The following SLC7A7 variants were observed in gnomAD, a reference collection of about 807,000 sequenced individuals.
The protein encoded by SLC7A7 is solute carrier family 7 member 7.
SLC7A7 carries 39 observed loss-of-function variants against 47.9 expected under a neutral mutation model. That is an observed-to-expected ratio of 0.81 (90% confidence interval 0.63 to 1.06). The LOEUF is 1.06. Among genes scored for constraint, SLC7A7 ranks in the 50% least tolerant of loss-of-function variants. The pLI, the probability that SLC7A7 is intolerant of heterozygous loss-of-function variation, is 0.00. For missense variants in SLC7A7, 588 were observed against 632.0 expected, an observed-to-expected ratio of 0.93 and a Z score of 0.75; for synonymous variants, 234 against 242.8, an observed-to-expected ratio of 0.96 and a Z score of 0.34.
intron 2 of SLC7A7, among the ~76,000 whole-genome samples, chr14:22,807,084 A>G (rs1176436453): frequency 1.3e-5 from 2 of 151,914 alleles, no homozygotes; most frequent in Non-Finnish European, 2.9e-5. Context: ...TATTTTTAGT[A>G]AAGACGGGAT....
intron 1 of SLC7A7, chr14:22,815,013 G>A (rs2039383621): frequency 3.8e-6 from 1 of 260,134 alleles, no homozygotes; most frequent in Non-Finnish European, 7.7e-6. Flanking sequence ...TGAGAGAAGG[G>A]CGATCCAATG....
At position 22,779,580 on chromosome 14, in the gene SLC7A7, G is replaced by A. The variant is rs373241192; in HGVS notation, c.625+346C>T. ...AGCGATTCTCCTGCCTCAGCCTCCC[G>A]AGTAGCTGGGATTACAGGCGCCTGC... On this transcript the variant is annotated intron_variant, in intron 3 of 9. Transcript: ENST00000674313. Among the ~76,000 whole-genome samples the A allele has an allele frequency of 2.4e-3, 364 of 151,890 alleles. 1 individual carries two copies. The highest frequency in any genetic ancestry group is 8.5e-3 in the African/African-American group (352 of 41,434).
rs1167728499 is a variant in SLC7A7, at chr14:22,774,131, A to G, written c.1246-15T>C. 6.2e-7 allele frequency: 1 copy of G among 1,614,092 alleles called. No individual in the cohort carries two copies. Among genetic ancestry groups the G allele is most frequent in the Non-Finnish European group, 8.5e-7 (1 of 1,179,976 alleles). On this transcript the variant is annotated splice_polypyrimidine_tract_variant and intron_variant, in intron 8 of 9. Transcript: ENST00000674313. The stretch of plus-strand genomic sequence containing the variant: ...AAAACGCTGAGCTAAGGGCACAGGA[A>G]ACATAACTGGAGTGGACAACTCAGG...
intron 2 of SLC7A7, among the ~76,000 whole-genome samples, chr14:22,787,069 C>T (rs1259605867): frequency 6.6e-6 from 1 of 152,078 alleles, no homozygotes; most frequent in African/African-American, 2.4e-5. Flanking sequence ...TAGTTCAAAT[C>T]CCTTCTTTAA....
intron 4 of SLC7A7, among the ~76,000 whole-genome samples, chr14:22,777,514 G>A (rs2038636721): frequency 6.6e-6 from 1 of 152,014 alleles, no homozygotes; most frequent in Admixed American, 6.6e-5. Flanking sequence ...AGCTCTCAAG[G>A]TCCCTGTAGC....
chr14:22,783,366 G>A (rs1332890647), intron 2 of SLC7A7, among the ~76,000 whole-genome samples: 2 of 151,618 alleles, frequency 1.3e-5, no homozygotes, highest in African/African-American at 4.8e-5. Context: ...GCACCTGGGT[G>A]GCTTGTTTAC....
chr14:22,799,428 T>C lies in SLC7A7; in HGVS notation c.499+13472A>G, dbSNP rs190854971. Among the ~76,000 whole-genome samples, 356 of 150,524 alleles carry C rather than the reference T, an allele frequency of 2.4e-3. 1 individual carries two copies. Among genetic ancestry groups the C allele is most frequent in the Non-Finnish European group, 3.8e-3 (255 of 67,792 alleles). Reference sequence around the variant, plus strand: ...TCTCATCTGTTCCTGTGGTTTCTTTTTCTTTTTATTTTTTTCTTTCTTTTT... The same window carrying C: ...TCTCATCTGTTCCTGTGGTTTCTTTCTCTTTTTATTTTTTTCTTTCTTTTT... On this transcript the variant is annotated intron_variant, in intron 2 of 9. Coordinates refer to ENST00000674313, the MANE Select transcript of SLC7A7 (RefSeq NM_003982.4).
At chr14:22,782,318 G>T (rs779785389) in intron 2 of SLC7A7, among the ~76,000 whole-genome samples, 6 of 151,450 alleles carry the variant, frequency 4.0e-5, no homozygotes, top group Non-Finnish European at 8.8e-5. Context: ...GGCCAGGCTT[G>T]TCGCAAACTC....
rs758270248 is a variant in SLC7A7, at chr14:22,774,032, G to A, written c.1330C>T (p.Leu444Phe). 15 of 1,614,060 alleles carry A rather than the reference G, an allele frequency of 9.3e-6. No homozygotes were observed. Among genetic ancestry groups the A allele is most frequent in the Non-Finnish European group, 1.2e-5 (14 of 1,180,042 alleles). Residue 444 changes from leucine (L) to phenylalanine (F), a missense_variant, in exon 9 of 10, where the codon CTC becomes TTC. By Grantham distance (22) the Leu-to-Phe change is conservative (BLOSUM62 0). Transcript: ENST00000674313. ...VPLYSDTINS[L>F]IGIAIALSGL... ...GAGAGGGCAATGGCAATGCCGATGA[G>A]GGAGTTGATAGTATCACTGTAAAGT... is the stretch of plus-strand genomic sequence containing the variant.
Position 22,815,286 on chromosome 14 carries a change from G to A in SLC7A7, c.-43+34C>T, listed in dbSNP as rs116327350. 1.2e-3 allele frequency: 513 copies of A among 443,482 alleles called. 3 individuals are homozygous for A. The highest frequency in any genetic ancestry group is 5.9e-3 in the African/African-American group (297 of 49,964). The allele number at this position is 443,482 out of a possible 1,614,324, so 27.5% of individuals were successfully genotyped here. ...GCAAAGAGGAGGGTTAGCAAGGTAA[G>A]TGGAGATGAGAAGAGGGTGGAACGC... On this transcript the variant is annotated intron_variant, in intron 1 of 9. Coordinates refer to ENST00000674313, the MANE Select transcript of SLC7A7 (RefSeq NM_003982.4).
At chr14:22,786,047 G>A (rs1017006341) in intron 2 of SLC7A7, among the ~76,000 whole-genome samples, 15 of 144,438 alleles carry the variant, frequency 1.0e-4, no homozygotes, top group Non-Finnish European at 2.0e-4. Context: ...AAAGCCAGGT[G>A]CAGTGGCTCA....
intron 2 of SLC7A7, among the ~76,000 whole-genome samples, chr14:22,781,824 A>C (rs1188516925): frequency 1.3e-5 from 2 of 152,200 alleles, no homozygotes; most frequent in African/African-American, 2.4e-5. Flanking sequence ...AACACCAGAC[A>C]CAAAGGATGC....
intron 2 of SLC7A7, among the ~76,000 whole-genome samples, chr14:22,795,377 GCTTGCTTGCTTTCTTTCTTT>G (rs1301350222): frequency 0.013 from 93 of 7,344 alleles, no homozygotes; most frequent in African/African-American, 0.014. Context: ...TCTGAGTATT[GCTTGCTTGCTTTCTTTCTTT>G]CTTTCTTTCT....
chr14:22,779,703 G>A (rs187685582), intron 3 of SLC7A7, among the ~76,000 whole-genome samples: 8 of 151,970 alleles, frequency 5.3e-5, no homozygotes, highest in Admixed American at 2.0e-4. Context: ...ATCCACCCGC[G>A]ATGGCCTCCC....
upstream of SLC7A7, among the ~76,000 whole-genome samples, chr14:22,819,196 T>C (rs1380712684): frequency 6.6e-6 from 1 of 152,030 alleles, no homozygotes; most frequent in African/African-American, 2.4e-5. Context: ...CTCAGGGAAC[T>C]ACTATAAGAA....
At chr14:22,799,787 G>C (rs539234932) in intron 2 of SLC7A7, among the ~76,000 whole-genome samples, 1 of 152,032 alleles carries the variant, frequency 6.6e-6, no homozygotes, top group Admixed American at 6.6e-5. Context: ...TATATACAAT[G>C]ATGACTCCCA....
chr14:22,792,979 C>G (rs1397128742), intron 2 of SLC7A7, among the ~76,000 whole-genome samples: 2 of 149,310 alleles, frequency 1.3e-5, no homozygotes, highest in Non-Finnish European at 3.0e-5. Context: ...TGCAGTGGTG[C>G]GATCTTGGCT....
intron 4 of SLC7A7, among the ~76,000 whole-genome samples, chr14:22,777,812 G>T (rs897882601): frequency 2.6e-5 from 4 of 152,200 alleles, no homozygotes; most frequent in Admixed American, 2.6e-4. Flanking sequence ...AGTGGCTCAT[G>T]CCTGTAATCC....
chr14:22,784,240 G>A (rs2038771857), intron 2 of SLC7A7, among the ~76,000 whole-genome samples: 1 of 152,194 alleles, frequency 6.6e-6, no homozygotes, highest in African/African-American at 2.4e-5. Context: ...TCTATAAGAG[G>A]ATAACCTGAA....
Sources: gnomAD v4.1 joint callset for allele counts (sites outside exome capture counted in the v4.1 genomes callset) on GRCh38, gnomAD v4.1.1 for gene constraint, MANE v1.5 for transcripts, NCBI Gene and HGNC (gene_info 2026-07-23, HGNC 2026-07-21) for gene names.